The following KDM4B variants were observed in gnomAD, a reference collection of about 807,000 sequenced individuals.
KDM4B encodes lysine demethylase 4B.
Under a neutral mutation model 125.2 loss-of-function variants are expected in KDM4B, and 32 were observed. That is an observed-to-expected ratio of 0.26 (90% CI 0.19 to 0.34). The LOEUF is 0.34. KDM4B is among the 10% of genes least tolerant of loss of function. The probability of loss-of-function intolerance (pLI) is 1.00; values close to 1 mark genes in which losing one functional copy is unlikely to be tolerated. For missense variants in KDM4B, 1,190 were observed against 1,577.7 expected (o/e 0.75, Z 4.16); for synonymous variants, 721 against 677.9 (o/e 1.06, Z -0.99).
chr19:5,091,434 G>A (rs2038701624), intron 9 of KDM4B, among the ~76,000 whole-genome samples: 1 of 152,110 alleles, frequency 6.6e-6, no homozygotes, highest in Non-Finnish European at 1.5e-5. Flanking sequence ...GAGAGCTTCT[G>A]CTGAGCTTGG....
chr19:4,972,830 C>T (rs2034307719), intron 1 of KDM4B, among the ~76,000 whole-genome samples: 2 of 152,194 alleles, frequency 1.3e-5, no homozygotes, highest in East Asian at 1.9e-4. Flanking sequence ...TCTGCCCTTC[C>T]AGGGTGGCAG....
chr19:5,081,651 C>T lies in KDM4B; in HGVS notation c.781-716C>T, dbSNP rs2038298630. Among the ~76,000 whole-genome samples the T allele has an allele frequency of 6.6e-6, 1 of 152,186 alleles. No individual in the cohort carries two copies. Among genetic ancestry groups the T allele is most frequent in the East Asian group, 1.9e-4 (1 of 5,186 alleles). On this transcript the variant is annotated intron_variant, in intron 8 of 22. Coordinates refer to ENST00000159111, the MANE Select transcript of KDM4B (RefSeq NM_015015.3). The surrounding 1 kb of genome is among the most constrained non-coding windows in gnomAD (Gnocchi z 4.2). Reference sequence around the variant, plus strand: ...GGTCTGGAAGCATTGGCCCGCTCTCCAGGGTGCTGATCTGTGGTGTCAGGT... The same window carrying T: ...GGTCTGGAAGCATTGGCCCGCTCTCTAGGGTGCTGATCTGTGGTGTCAGGT...
chr19:5,061,176 C>A (rs969421935), intron 6 of KDM4B, among the ~76,000 whole-genome samples: 1 of 152,204 alleles, frequency 6.6e-6, no homozygotes, highest in Non-Finnish European at 1.5e-5. Flanking sequence ...CTGCGAGAGC[C>A]GAGAGCTCTG....
At chr19:5,021,552 G>A (rs555845717) in intron 2 of KDM4B, among the ~76,000 whole-genome samples, 10 of 152,024 alleles carry the variant, frequency 6.6e-5, no homozygotes, top group South Asian at 2.1e-4. Flanking sequence ...CAGCCTGGGC[G>A]ATACAGCAAG....
chr19:5,080,025 G>A lies in KDM4B; in HGVS notation c.781-2342G>A, dbSNP rs552498438. On this transcript the variant is annotated intron_variant, in intron 8 of 22. Coordinates refer to ENST00000159111, the MANE Select transcript of KDM4B (RefSeq NM_015015.3). ...GGACCCCATGTCCTGCACGGCGGGG[G>A]CCAGGCCCTGGGGCCACGTGTGTTC... 1.5e-4 allele frequency among the ~76,000 whole-genome samples: 23 copies of A among 152,350 alleles called. 1 individual carries two copies. The highest frequency in any genetic ancestry group is 1.4e-3 in the Admixed American group (21 of 15,304).
intron 1 of KDM4B, among the ~76,000 whole-genome samples, chr19:4,978,190 C>T (rs957141409): frequency 6.6e-6 from 1 of 152,054 alleles, no homozygotes; most frequent in African/African-American, 2.4e-5. Flanking sequence ...CGGAGGAAGT[C>T]GTTCTCTTGA....
chr19:5,129,951 G>T (rs2039513845), intron 11 of KDM4B, among the ~76,000 whole-genome samples: 1 of 152,226 alleles, frequency 6.6e-6, no homozygotes, highest in South Asian at 2.1e-4. Context: ...GCTTCCCACA[G>T]CCCGACACAG....
chr19:5,032,599 G>A (rs1027596334), intron 2 of KDM4B, among the ~76,000 whole-genome samples: 5 of 152,200 alleles, frequency 3.3e-5, no homozygotes, highest in East Asian at 3.8e-4. Context: ...TAAAATTAGC[G>A]CACTGGCTCC....
At position 5,082,259 on chromosome 19, in the gene KDM4B, C is replaced by G; in HGVS notation, c.781-108C>G. 7.3e-7 allele frequency: 1 copy of G among 1,376,234 alleles called. No individual in the cohort carries two copies. Among genetic ancestry groups the G allele is most frequent in the Non-Finnish European group, 1.0e-6 (1 of 1,000,722 alleles). The allele number at this position is 1,376,234 out of a possible 1,614,324, so 85.3% of individuals were successfully genotyped here. ...ATCACCTTTGACTTTGTGAAACCCC[C>G]TTGGCTCATAAGCCAGGCTCCCTGG... On this transcript the variant is annotated intron_variant, in intron 8 of 22. Transcript: ENST00000159111. This position sits in a 1 kb window ranked among gnomAD's most constrained non-coding sequence, Gnocchi z 5.4.
chr19:5,077,509 G>A, intron 8 of KDM4B, 39 bp downstream of exon 8: 1 of 1,564,462 alleles, frequency 6.4e-7, no homozygotes, highest in Non-Finnish European at 8.8e-7. Context: ...TGGGTGAAGT[G>A]GGTACCGGGT....
At position 4,997,843 on chromosome 19, in the gene KDM4B, G is replaced by A. The variant is rs192654492; in HGVS notation, c.-108-18414G>A. Reference sequence around the variant, plus strand: ...GACACTCCAGGAGGTTGCTAGACCTGGCGGGCCCCAGGGCCAGGAGTGAGG... The same window carrying A: ...GACACTCCAGGAGGTTGCTAGACCTAGCGGGCCCCAGGGCCAGGAGTGAGG... On this transcript the variant is annotated intron_variant, in intron 1 of 22. Coordinates refer to ENST00000159111, the MANE Select transcript of KDM4B (RefSeq NM_015015.3). This position sits in a 1 kb window ranked among gnomAD's most constrained non-coding sequence, Gnocchi z 4.2. Among the ~76,000 whole-genome samples the A allele has an allele frequency of 6.2e-4, 95 of 152,380 alleles. No homozygotes were observed. The highest frequency in any genetic ancestry group is 2.1e-3 in the African/African-American group (88 of 41,596).
At chr19:5,151,276 G>T in intron 22 of KDM4B, 59 bp from the exon 23 acceptor site, 2 of 1,349,920 alleles carry the variant, frequency 1.5e-6, no homozygotes, top group South Asian at 3.5e-5. Flanking sequence ...ATAGACAGTG[G>T]CTGGGGCCGC....
intron 5 of KDM4B, among the ~76,000 whole-genome samples, chr19:5,046,721 G>A (rs760321276): frequency 1.3e-5 from 2 of 152,214 alleles, no homozygotes; most frequent in African/African-American, 4.8e-5. Context: ...AACTGTCTTC[G>A]TCTCCTCGGT....
chr19:5,133,533 G>C (rs904901737), intron 13 of KDM4B, among the ~76,000 whole-genome samples: 6 of 152,210 alleles, frequency 3.9e-5, no homozygotes, highest in Non-Finnish European at 7.3e-5. Flanking sequence ...CCAGTCCTTG[G>C]CCCAGAAGGC....
chr19:5,077,818 A>G, intron 8 of KDM4B: 1 of 280,970 alleles, frequency 3.6e-6, no homozygotes. Flanking sequence ...AAAGAAACAG[A>G]GGGCAGGGCC....
chr19:5,051,386 C>T (rs1180370472), intron 6 of KDM4B, among the ~76,000 whole-genome samples: 3 of 152,240 alleles, frequency 2.0e-5, no homozygotes, highest in Non-Finnish European at 4.4e-5. Flanking sequence ...TCCCCTTTTG[C>T]CCCCAACCCA....
chr19:4,988,878 C>CTTCAGCCACATGCCCCTCCCCTCCCG (rs1371060698), intron 1 of KDM4B, among the ~76,000 whole-genome samples: 35 of 152,284 alleles, frequency 2.3e-4, no homozygotes, highest in African/African-American at 8.2e-4. Flanking sequence ...TCAAGTCAGC[C>CTTCAGCCACATGCCCCTCCCCTCCCG]TTCAGCCACA....
intron 2 of KDM4B, among the ~76,000 whole-genome samples, chr19:5,017,451 C>T (rs1341558276): frequency 2.0e-5 from 3 of 152,154 alleles, no homozygotes; most frequent in East Asian, 1.9e-4. Flanking sequence ...GCGTGGCCTG[C>T]GCATCTGGAG....
At chr19:4,991,602 G>A in intron 1 of KDM4B, among the ~76,000 whole-genome samples, 1 of 152,202 alleles carries the variant, frequency 6.6e-6, no homozygotes, top group East Asian at 1.9e-4. Context: ...AGGACACTGT[G>A]GCTTCAGACC....
Sources: allele counts gnomAD v4.1 joint callset (sites outside exome capture counted in the v4.1 genomes callset), GRCh38; gene constraint gnomAD v4.1.1; non-coding constraint Gnocchi (gnomAD v3.1); transcripts MANE v1.5; gene names NCBI Gene and HGNC (gene_info 2026-07-23, HGNC 2026-07-21).